CTNNA1: variants seen among roughly 807,000 people sequenced by gnomAD.
The protein encoded by CTNNA1 is catenin alpha-1.
In CTNNA1, 37 loss-of-function variants were observed where a neutral mutation model predicts 98.4. That is an observed-to-expected ratio of 0.38 (90% CI 0.29 to 0.49). The LOEUF (loss-of-function observed/expected upper bound fraction) is 0.49, where lower values mean the gene tolerates loss of function less well. Among genes scored for constraint, CTNNA1 ranks in the 20% least tolerant of loss-of-function variants. The pLI is 0.95. For synonymous variants in CTNNA1, 404 were observed against 413.2 expected, an observed-to-expected ratio of 0.98 and a Z score of 0.27; for missense variants, 761 against 1,147.2, an observed-to-expected ratio of 0.66 and a Z score of 4.86.
In CTNNA1 at chr5:138,934,249, T is replaced by G; in HGVS notation, c.*160T>G. 1 of 589,300 alleles carries G rather than the reference T, an allele frequency of 1.7e-6. No homozygotes were observed. The highest frequency in any genetic ancestry group is 2.8e-5 in the East Asian group (1 of 35,422). 36.5% of individuals were successfully genotyped at this position (589,300 alleles called of 1,614,324 possible). ...TGGTGAATTTTCCAAGAACATAGTTTAAGTTGATTAAAAATGCTTTTAGAA... is the reference window on the plus strand; with the variant it reads ...TGGTGAATTTTCCAAGAACATAGTTGAAGTTGATTAAAAATGCTTTTAGAA... On this transcript the variant is annotated 3_prime_UTR_variant, in exon 18 of 18. Coordinates refer to ENST00000302763, the MANE Select transcript of CTNNA1 (RefSeq NM_001903.5).
At chr5:138,893,022 A>C (rs1189802053) in intron 9 of CTNNA1, among the ~76,000 whole-genome samples, 1 of 152,132 alleles carries the variant, frequency 6.6e-6, no homozygotes, top group African/African-American at 2.4e-5. Context: ...TCTCAAAATA[A>C]ATAAATAAAT....
intron 9 of CTNNA1, among the ~76,000 whole-genome samples, chr5:138,901,839 A>C (rs896754415): frequency 5.9e-5 from 9 of 152,220 alleles, no homozygotes; most frequent in Non-Finnish European, 7.3e-5. Context: ...CTTTCACTGT[A>C]GTCAGGCCTG....
chr5:138,929,036 G>T (rs1764739685), intron 13 of CTNNA1, among the ~76,000 whole-genome samples: 1 of 152,230 alleles, frequency 6.6e-6, no homozygotes, highest in Non-Finnish European at 1.5e-5. Flanking sequence ...CAGGCCTGCT[G>T]TGGGCCAGGC....
chr5:138,801,221 T>C (rs1425551711), intron 3 of CTNNA1, among the ~76,000 whole-genome samples: 1 of 152,214 alleles, frequency 6.6e-6, no homozygotes, highest in Non-Finnish European at 1.5e-5. Context: ...CAATTAATTT[T>C]ATGTTTGATT....
At chr5:138,829,178 G>GT (rs1336276488) in intron 7 of CTNNA1, among the ~76,000 whole-genome samples, 5 of 152,082 alleles carry the variant, frequency 3.3e-5, no homozygotes, top group Non-Finnish European at 7.4e-5. Context: ...GAGATTAGAG[G>GT]TTTTGTTAAA....
chr5:138,808,283 C>T (rs1301923153), intron 3 of CTNNA1, among the ~76,000 whole-genome samples: 1 of 152,160 alleles, frequency 6.6e-6, no homozygotes, highest in Non-Finnish European at 1.5e-5. Flanking sequence ...CTCCATAGAG[C>T]TCCAGTAGGG....
At chr5:138,762,244 G>A (rs1752449250) in intron 1 of CTNNA1, 1 of 152,206 alleles carries the variant, frequency 6.6e-6, no homozygotes, top group Non-Finnish European at 1.5e-5. Context: ...GATATTACAT[G>A]TACTGCTTGG....
chr5:138,848,164 C>T (rs970302263), intron 7 of CTNNA1, among the ~76,000 whole-genome samples: 1 of 67,610 alleles, frequency 1.5e-5, no homozygotes, highest in Non-Finnish European at 2.9e-5. Context: ...AGAGACTGTT[C>T]TAGTCTTGAC....
intron 1 of CTNNA1, among the ~76,000 whole-genome samples, chr5:138,766,483 A>G (rs1239204312): frequency 2.0e-5 from 3 of 150,718 alleles, no homozygotes; most frequent in African/African-American, 4.9e-5. Flanking sequence ...GAGTGACCCA[A>G]TGATAATGAT....
intron 11 of CTNNA1, among the ~76,000 whole-genome samples, 197 bp downstream of exon 11, chr5:138,918,095 G>C (rs1370774403): frequency 6.6e-6 from 1 of 152,226 alleles, no homozygotes; most frequent in Non-Finnish European, 1.5e-5. Context: ...CTACTAGGAA[G>C]TAGCTGGGGT....
chr5:138,827,731 G>C lies in CTNNA1; in HGVS notation c.1062+13G>C, dbSNP rs1470705947. ...GTACATGGGCAATGTGAGTTTGACAGCTTTTCTTTGAAGTAAGATATTTAT... is the reference window on the plus strand; with the variant it reads ...GTACATGGGCAATGTGAGTTTGACACCTTTTCTTTGAAGTAAGATATTTAT... On this transcript the variant is annotated intron_variant, in intron 7 of 17. Transcript: ENST00000302763. 2 of 1,613,526 alleles carry C rather than the reference G, an allele frequency of 1.2e-6. No homozygotes were observed. Among genetic ancestry groups the C allele is most frequent in the Admixed American group, 1.7e-5 (1 of 59,994 alleles).
At chr5:138,837,922 C>G (rs997399192) in intron 7 of CTNNA1, among the ~76,000 whole-genome samples, 4 of 152,138 alleles carry the variant, frequency 2.6e-5, no homozygotes, top group Non-Finnish European at 5.9e-5. Flanking sequence ...CCATGCCTGG[C>G]CAAGTAGTTT....
At chr5:138,886,672 A>G (rs1023739243) in intron 8 of CTNNA1, among the ~76,000 whole-genome samples, 1 of 152,180 alleles carries the variant, frequency 6.6e-6, no homozygotes, top group Non-Finnish European at 1.5e-5. Context: ...CTCATTACAC[A>G]CTTGCAGTTC....
intron 1 of CTNNA1, among the ~76,000 whole-genome samples, chr5:138,762,921 A>G (rs914676901): frequency 6.6e-6 from 1 of 152,044 alleles, no homozygotes; most frequent in Non-Finnish European, 1.5e-5. Flanking sequence ...AGAAAAATTT[A>G]TCTTTCTTAA....
intron 7 of CTNNA1, among the ~76,000 whole-genome samples, chr5:138,838,351 C>T (rs751873693): frequency 2.6e-5 from 4 of 152,160 alleles, no homozygotes; most frequent in African/African-American, 7.2e-5. Flanking sequence ...TGATTTTGTA[C>T]GCATGGAGAT....
chr5:138,854,431 C>A (rs1227072062), intron 7 of CTNNA1, among the ~76,000 whole-genome samples: 1 of 152,174 alleles, frequency 6.6e-6, no homozygotes, highest in African/African-American at 2.4e-5. Context: ...CATTTCCCCC[C>A]AACTGAACAC....
chr5:138,893,171 C>T (rs1366039300), intron 9 of CTNNA1, among the ~76,000 whole-genome samples: 1 of 152,176 alleles, frequency 6.6e-6, no homozygotes, highest in Non-Finnish European at 1.5e-5. Context: ...CCTCACGGAA[C>T]ACCTGTTCCG....
intron 11 of CTNNA1, among the ~76,000 whole-genome samples, chr5:138,918,439 T>C (rs1353475224): frequency 6.6e-6 from 1 of 152,206 alleles, no homozygotes; most frequent in Non-Finnish European, 1.5e-5. Flanking sequence ...AGTCATAGTT[T>C]ATCTGCCTAC....
At chr5:138,834,280 C>A (rs941736103) in intron 7 of CTNNA1, among the ~76,000 whole-genome samples, 5 of 152,122 alleles carry the variant, frequency 3.3e-5, no homozygotes, top group African/African-American at 7.2e-5. Context: ...GTTCTGTGTT[C>A]ATTATATATT....
Sources: gnomAD v4.1 joint callset for allele counts (sites outside exome capture counted in the v4.1 genomes callset) on GRCh38, gnomAD v4.1.1 for gene constraint, MANE v1.5 for transcripts, NCBI Gene and HGNC (gene_info 2026-07-23, HGNC 2026-07-21) for gene names.